WNT5B: variants seen among roughly 807,000 people sequenced by gnomAD.
WNT5B encodes Wnt family member 5B.
In WNT5B, 18 loss-of-function variants were observed where a neutral mutation model predicts 36.5. The ratio of observed to expected loss-of-function variants is 0.49; its 90% confidence interval spans 0.34 to 0.73. The LOEUF (loss-of-function observed/expected upper bound fraction) is 0.73, where lower values mean the gene tolerates loss of function less well. Ranked by LOEUF, WNT5B falls within the 30% of genes least tolerant of loss-of-function variation. WNT5B has a pLI of 0.01. For missense variants in WNT5B, 424 were observed against 508.4 expected, an observed-to-expected ratio of 0.83 and a Z score of 1.60; for synonymous variants, 213 against 212.3, an observed-to-expected ratio of 1.00 and a Z score of -0.03.
chr12:1,638,247 A>AAAAC (rs968495528), intron 3 of WNT5B, among the ~76,000 whole-genome samples: 83 of 152,350 alleles, frequency 5.4e-4, no homozygotes, highest in Admixed American at 3.9e-4. Flanking sequence ...CTCTCTCTCA[A>AAAAC]AAACAAACAA....
At chr12:1,636,497 CTATATATAT>C (rs1485551906) in intron 3 of WNT5B, among the ~76,000 whole-genome samples, 4 of 81,104 alleles carry the variant, frequency 4.9e-5, no homozygotes, top group Non-Finnish European at 9.4e-5. Context: ...GTGTTGCAGT[CTATATATAT>C]ATATATATAT....
chr12:1,621,312 T>C (rs1403785404), intron 1 of WNT5B, among the ~76,000 whole-genome samples: 1 of 152,114 alleles, frequency 6.6e-6, no homozygotes, highest in Non-Finnish European at 1.5e-5. Context: ...ACACGCATGA[T>C]TGATATGAAG....
chr12:1,618,888 C>G lies in WNT5B; in HGVS notation c.-58+1745C>G, dbSNP rs765561350. 2.0e-5 allele frequency among the ~76,000 whole-genome samples: 3 copies of G among 152,268 alleles called. No homozygotes were observed. Among genetic ancestry groups the G allele is most frequent in the South Asian group, 2.1e-4 (1 of 4,822 alleles). On this transcript the variant is annotated intron_variant, in intron 1 of 4. Coordinates refer to the WNT5B transcript ENST00000310594. This position sits in a 1 kb window ranked among gnomAD's most constrained non-coding sequence, Gnocchi z 4.1. ...CACCAGGAGTTGGAAGCTGGAAGCT[C>G]TATTCTCTGGAACATCAGGCATTAG... is the stretch of plus-strand genomic sequence containing the variant.
At chr12:1,638,627 C>T (rs1472360785) in intron 3 of WNT5B, among the ~76,000 whole-genome samples, 1 of 152,122 alleles carries the variant, frequency 6.6e-6, no homozygotes, top group Non-Finnish European at 1.5e-5. Flanking sequence ...TGAGGTGGTT[C>T]ACCACAGCAG....
rs528057325 is a variant in WNT5B at position 1,646,734 on chromosome 12, T to C, written c.*482T>C. The C allele has an allele frequency of 6.6e-6, 1 of 152,618 alleles. No homozygotes were observed. The highest frequency in any genetic ancestry group is 6.5e-5 in the Admixed American group (1 of 15,326). The allele number at this position is 152,618 out of a possible 1,614,324, so 9.5% of individuals were successfully genotyped here. Reference sequence around the variant, plus strand: ...ATGTAGATGGGTTCCGTAAGAGGCCTGGTGCTCTCTTACTCTTTCATCCAC... The same window carrying C: ...ATGTAGATGGGTTCCGTAAGAGGCCCGGTGCTCTCTTACTCTTTCATCCAC... On this transcript the variant is annotated 3_prime_UTR_variant, in exon 5 of 5. Transcript: ENST00000397196.
rs2094530104 is a variant in WNT5B at position 1,618,790 on chromosome 12, G to C, written c.-58+1647G>C. On this transcript the variant is annotated intron_variant, in intron 1 of 4. Transcript: ENST00000310594. The surrounding 1 kb of genome is among the most constrained non-coding windows in gnomAD (Gnocchi z 4.1). ...AATTGTACAGGGACCCAGAGTCTTA[G>C]GGATCTGCTCTGCCTACTTTGTGGA... 6.6e-6 allele frequency among the ~76,000 whole-genome samples: 1 copy of C among 152,142 alleles called. No individual in the cohort carries two copies. Among genetic ancestry groups the C allele is most frequent in the Non-Finnish European group, 1.5e-5 (1 of 68,030 alleles).
chr12:1,638,529 T>A (rs2094566582), intron 3 of WNT5B, among the ~76,000 whole-genome samples: 1 of 152,168 alleles, frequency 6.6e-6, no homozygotes, highest in Non-Finnish European at 1.5e-5. Context: ...GCCATCCCAG[T>A]GGAGGTGATT....
chr12:1,633,046 C>CTCT lies in WNT5B; in HGVS notation c.328+141_328+142insTCT. 2 of 1,258,680 alleles carry CTCT rather than the reference C, an allele frequency of 1.6e-6. No individual in the cohort carries two copies. Among genetic ancestry groups the CTCT allele is most frequent in the Non-Finnish European group, 2.1e-6 (2 of 932,016 alleles). 78.0% of individuals were successfully genotyped at this position (1,258,680 alleles called of 1,614,324 possible). On this transcript the variant is annotated intron_variant, in intron 3 of 4. Coordinates refer to ENST00000397196, the MANE Select transcript of WNT5B (RefSeq NM_032642.3). This position sits in a 1 kb window ranked among gnomAD's most constrained non-coding sequence, Gnocchi z 4.8. ...TCTCTAGGCTTGGCAGCAGTGTGCA[C>CTCT]CACGAGAGAGGCACACGAGGAAGCA... is the stretch of plus-strand genomic sequence containing the variant.
rs1555158351 is a variant in WNT5B, at chr12:1,632,935, AAGGAACTGCACT to A, written c.328+31_328+42del. 6.3e-7 allele frequency: 1 copy of A among 1,583,394 alleles called. No individual in the cohort carries two copies. The highest frequency in any genetic ancestry group is 8.6e-7 in the Non-Finnish European group (1 of 1,159,756). ...GAGGCCATTACAAGAGGGCTCGGCC[AAGGAACTGCACT>A]CGTCTCGTTTGGGAGCAATTAAGCT... On this transcript the variant is annotated intron_variant, in intron 3 of 4. Coordinates refer to ENST00000397196, the MANE Select transcript of WNT5B (RefSeq NM_032642.3). The surrounding 1 kb of genome is among the most constrained non-coding windows in gnomAD (Gnocchi z 5.8).
intron 1 of WNT5B, among the ~76,000 whole-genome samples, chr12:1,617,664 A>G (rs550239153): frequency 2.0e-5 from 3 of 152,276 alleles, no homozygotes; most frequent in African/African-American, 7.2e-5. Context: ...AAAGAACTGC[A>G]TGGCAAATTT....
At chr12:1,626,634 G>T (rs144754682), upstream of WNT5B, among the ~76,000 whole-genome samples, 81 of 148,812 alleles carry the variant, frequency 5.4e-4, 1 homozygote, top group East Asian at 0.014. Context: ...GCACGATCTT[G>T]ACCCACTGCA....
intron 1 of WNT5B, among the ~76,000 whole-genome samples, chr12:1,622,103 ACTT>A (rs1326211062): frequency 6.6e-5 from 9 of 136,220 alleles, no homozygotes; most frequent in Non-Finnish European, 9.3e-5. Flanking sequence ...CTCTTCTGAC[ACTT>A]CTTTTTTTTT....
intron 4 of WNT5B, among the ~76,000 whole-genome samples, chr12:1,642,272 A>G (rs2094576874): frequency 1.3e-5 from 2 of 152,180 alleles, no homozygotes. Context: ...AGAGATGTCA[A>G]TGAAGGGGTT....
upstream of WNT5B, among the ~76,000 whole-genome samples, chr12:1,626,746 C>T (rs1362833951): frequency 5.3e-5 from 8 of 151,662 alleles, no homozygotes; most frequent in East Asian, 1.9e-4. Context: ...TTTGTATTTT[C>T]AGTAGAGACG....
chr12:1,619,643 T>C (rs530427252), intron 1 of WNT5B, among the ~76,000 whole-genome samples: 2 of 151,964 alleles, frequency 1.3e-5, no homozygotes, highest in South Asian at 2.1e-4. Context: ...TAAATAGTAA[T>C]AACTGACCAA....
chr12:1,639,981 G>C lies in WNT5B; in HGVS notation c.621+5G>C. ...AACAACGAGGCCGGTCGCAGGGTAA[G>C]CTGGGCCTCCCCGGCCTCCCCAGCA... On this transcript the variant is annotated splice_donor_5th_base_variant and intron_variant, in intron 4 of 4. Transcript: ENST00000397196. 6.2e-7 allele frequency: 1 copy of C among 1,609,092 alleles called. No homozygotes were observed. The highest frequency in any genetic ancestry group is 8.5e-7 in the Non-Finnish European group (1 of 1,178,066).
rs1404252517 is a variant in WNT5B, at chr12:1,639,965, G to A, written c.610G>A (p.Ala204Thr). ...RVLMNLQNNE[A>T]GRRAVYKMAD... ...GCTCATGAACCTGCAAAACAACGAG[G>A]CCGGTCGCAGGGTAAGCTGGGCCTC... Residue 204 changes from alanine to threonine, a missense_variant, in exon 4 of 5, where the codon GCC becomes ACC. Transcript: ENST00000397196. The A allele has an allele frequency of 1.2e-6, 2 of 1,612,354 alleles. No homozygotes were observed. The highest frequency in any genetic ancestry group is 1.7e-6 in the Non-Finnish European group (2 of 1,179,388).
At chr12:1,624,377 CAAAAA>C (rs34209948), upstream of WNT5B, among the ~76,000 whole-genome samples, 5 of 78,226 alleles carry the variant, frequency 6.4e-5, no homozygotes, top group Non-Finnish European at 1.2e-4. Context: ...GACTCTGTCT[CAAAAA>C]AAAAAAAAAA....
Position 1,630,023 on chromosome 12 carries a change from A to G in WNT5B, c.-58+652A>G. 1.3e-6 allele frequency: 1 copy of G among 759,756 alleles called. No homozygotes were observed. The highest frequency in any genetic ancestry group is 1.6e-6 in the Non-Finnish European group (1 of 623,132). 47.1% of individuals were successfully genotyped at this position (759,756 alleles called of 1,614,324 possible). On this transcript the variant is annotated intron_variant, in intron 1 of 4. Transcript: ENST00000397196. This position sits in a 1 kb window ranked among gnomAD's most constrained non-coding sequence, Gnocchi z 5.3. ...CCCCAGCCGAGGCTTCGAGAAGGAAAATCAAAAGGGGGCTTGGGGAAGGGC... is the reference window on the plus strand; with the variant it reads ...CCCCAGCCGAGGCTTCGAGAAGGAAGATCAAAAGGGGGCTTGGGGAAGGGC...
Sources: allele counts gnomAD v4.1 joint callset (sites outside exome capture counted in the v4.1 genomes callset), GRCh38; gene constraint gnomAD v4.1.1; non-coding constraint Gnocchi (gnomAD v3.1); transcripts MANE v1.5; gene names NCBI Gene and HGNC (gene_info 2026-07-23, HGNC 2026-07-21).